KLRF1: variants seen among roughly 807,000 people sequenced by gnomAD.
The protein encoded by KLRF1 is killer cell lectin like receptor F1.
KLRF1 carries 27 observed loss-of-function variants against 30.7 expected under a neutral mutation model. The observed-to-expected ratio is 0.88, with a 90% CI of 0.65 to 1.21. The LOEUF (loss-of-function observed/expected upper bound fraction) is 1.21. Among genes scored for constraint, KLRF1 ranks in the 50% most tolerant of loss-of-function variants. KLRF1 has a pLI of 0.00. For synonymous variants in KLRF1, 92 were observed against 89.3 expected, an observed-to-expected ratio of 1.03 and a Z score of -0.17; for missense variants, 246 against 259.3, an observed-to-expected ratio of 0.95 and a Z score of 0.35.
At chr12:9,824,893 A>C (rs756513381), upstream of KLRF1, among the ~76,000 whole-genome samples, 3 of 152,266 alleles carry the variant, frequency 2.0e-5, no homozygotes, top group South Asian at 2.1e-4. Context: ...AATAAAATAC[A>C]TAGGAATACA....
chr12:9,803,085 G>C, the KLRF1 span, among the ~76,000 whole-genome samples: 2 of 151,962 alleles, frequency 1.3e-5, no homozygotes, highest in Non-Finnish European at 2.9e-5. Flanking sequence ...AGTAACCAAA[G>C]CAGCATGGTA....
chr12:9,832,529 A>T, intron 2 of KLRF1, 115 bp downstream of exon 2: 1 of 640,446 alleles, frequency 1.6e-6, no homozygotes, highest in Non-Finnish European at 2.7e-6. Flanking sequence ...ATTGAATTAG[A>T]AGCTACTGCA....
chr12:9,810,096 A>G, the KLRF1 span, among the ~76,000 whole-genome samples: 1 of 152,172 alleles, frequency 6.6e-6, no homozygotes, highest in African/African-American at 2.4e-5. Context: ...TAGATTTTCT[A>G]CAAGCTTGAG....
chr12:9,832,492 C>T, intron 2 of KLRF1, 78 bp downstream of exon 2: 1 of 844,320 alleles, frequency 1.2e-6, no homozygotes, highest in Non-Finnish European at 1.9e-6. Context: ...TATAATTATT[C>T]ATTCATTCTT....
At chr12:9,801,484 T>C in the KLRF1 span, among the ~76,000 whole-genome samples, 1 of 152,108 alleles carries the variant, frequency 6.6e-6, no homozygotes, top group Non-Finnish European at 1.5e-5. Flanking sequence ...AGCATTCCAC[T>C]ATCTCCACAG....
chr12:9,800,694 A>AT, the KLRF1 span, among the ~76,000 whole-genome samples: 1 of 151,870 alleles, frequency 6.6e-6, no homozygotes, highest in Non-Finnish European at 1.5e-5. Context: ...TCTTTGGCCC[A>AT]TTTTTTAATC....
At chr12:9,844,150 A>G (rs1485944036) in intron 5 of KLRF1, among the ~76,000 whole-genome samples, 5 of 152,126 alleles carry the variant, frequency 3.3e-5, no homozygotes, top group Non-Finnish European at 7.4e-5. Flanking sequence ...TAACTGAACT[A>G]CATGGGGCAA....
intron 1 of KLRF1, among the ~76,000 whole-genome samples, chr12:9,830,865 A>G (rs1197384851): frequency 6.6e-6 from 1 of 152,060 alleles, no homozygotes; most frequent in Non-Finnish European, 1.5e-5. Flanking sequence ...TAACCTTTAT[A>G]AGTTAAATTA....
chr12:9,833,516 T>A (rs762526030), intron 3 of KLRF1, 64 bp downstream of exon 3: 206 of 1,390,770 alleles, frequency 1.5e-4, no homozygotes, highest in Non-Finnish European at 1.9e-4. Context: ...TGTGAAGTAT[T>A]TTTGAACAGG....
At chr12:9,803,171 T>C in the KLRF1 span, among the ~76,000 whole-genome samples, 1 of 152,094 alleles carries the variant, frequency 6.6e-6, no homozygotes, top group South Asian at 2.1e-4. Context: ...TCTACAACCA[T>C]TTGATCTTCG....
At chr12:9,840,028 G>A (rs999921825) in intron 3 of KLRF1, among the ~76,000 whole-genome samples, 7 of 152,110 alleles carry the variant, frequency 4.6e-5, no homozygotes, top group African/African-American at 1.4e-4. Context: ...AAAATAGAAT[G>A]TAGTACTGAT....
At chr12:9,800,611 C>A in the KLRF1 span, among the ~76,000 whole-genome samples, 1 of 151,910 alleles carries the variant, frequency 6.6e-6, no homozygotes, top group Admixed American at 6.6e-5. Flanking sequence ...TACCTAATGA[C>A]ATATGATATT....
the KLRF1 span, among the ~76,000 whole-genome samples, chr12:9,806,443 G>A: frequency 3.9e-5 from 6 of 152,016 alleles, no homozygotes; most frequent in Admixed American, 6.6e-5. Flanking sequence ...AGCCCAGGTC[G>A]CTTAATACTG....
upstream of KLRF1, among the ~76,000 whole-genome samples, chr12:9,822,666 G>T (rs1867239773): frequency 1.3e-5 from 2 of 152,144 alleles, no homozygotes; most frequent in African/African-American, 4.8e-5. Context: ...TTTAAAAGGT[G>T]CAGAGTGGCA....
At chr12:9,803,617 CTGTTTT>C in the KLRF1 span, among the ~76,000 whole-genome samples, 1 of 151,924 alleles carries the variant, frequency 6.6e-6, no homozygotes, top group Non-Finnish European at 1.5e-5. Context: ...CAAATTCTGT[CTGTTTT>C]TATTTAAAAA....
chr12:9,811,403 G>A, the KLRF1 span, among the ~76,000 whole-genome samples: 13 of 148,784 alleles, frequency 8.7e-5, no homozygotes, highest in African/African-American at 3.0e-4. Context: ...TCTTTATTCC[G>A]TGTTTATTTC....
the KLRF1 span, among the ~76,000 whole-genome samples, chr12:9,811,537 A>G: frequency 3.5e-4 from 53 of 152,290 alleles, no homozygotes; most frequent in Non-Finnish European, 7.2e-4. Flanking sequence ...ATGGTCCCAA[A>G]CTAAGCAGAT....
the KLRF1 span, among the ~76,000 whole-genome samples, chr12:9,806,751 G>A: frequency 3.3e-5 from 5 of 151,928 alleles, no homozygotes; most frequent in African/African-American, 4.8e-5. Flanking sequence ...GTGTAATCAC[G>A]GCTCATTGCA....
the KLRF1 span, chr12:9,817,247 CA>C: frequency 2.2e-5 from 4 of 178,220 alleles, no homozygotes; most frequent in Non-Finnish European, 4.7e-5. Context: ...CTTAATTTCA[CA>C]AAAACAAACT....
Sources: gnomAD v4.1 joint callset for allele counts (sites outside exome capture counted in the v4.1 genomes callset) on GRCh38, gnomAD v4.1.1 for gene constraint, MANE v1.5 for transcripts, NCBI Gene and HGNC (gene_info 2026-07-23, HGNC 2026-07-21) for gene names.